The following GHRL variants were observed in gnomAD, a reference collection of about 807,000 sequenced individuals.
GHRL encodes ghrelin and obestatin prepropeptide.
A neutral mutation model predicts 16.9 loss-of-function variants in GHRL; 24 were observed. The ratio of observed to expected loss-of-function variants is 1.42; its 90% CI spans 1.03 to 2.00. GHRL has a LOEUF of 2.00. Among genes scored for constraint, GHRL ranks in the 30% most tolerant of loss-of-function variants. The probability of loss-of-function intolerance (pLI) is 0.00; values close to 1 mark genes in which losing one functional copy is unlikely to be tolerated. For missense variants in GHRL, 193 were observed against 142.1 expected, an observed-to-expected ratio of 1.36 and a Z score of -1.82; for synonymous variants, 63 against 58.2, an observed-to-expected ratio of 1.08 and a Z score of -0.37.
At chr3:10,291,993 T>C (rs1001245968) in intron 1 of GHRL, 7 of 152,136 alleles carry the variant, frequency 4.6e-5, no homozygotes, top group Non-Finnish European at 8.8e-5. Flanking sequence ...AACAAAAACA[T>C]AAGAAGGTGG....
At chr3:10,288,397 T>C (rs936086008) in intron 4 of GHRL, among the ~76,000 whole-genome samples, 2 of 152,122 alleles carry the variant, frequency 1.3e-5, no homozygotes, top group Admixed American at 6.5e-5. Flanking sequence ...CAAGGCAGTG[T>C]GGGTCACATG....
At chr3:10,291,729 G>A (rs2125222579) in intron 1 of GHRL, among the ~76,000 whole-genome samples, 1 of 152,292 alleles carries the variant, frequency 6.6e-6, no homozygotes, top group Admixed American at 6.5e-5. Flanking sequence ...GGGTGCCCAG[G>A]CAGGAACCCC....
rs1699958093 is a variant in GHRL at position 10,291,200 on chromosome 3, C to T, written c.-514G>A. The stretch of plus-strand genomic sequence containing the variant: ...TGAGCCCCGGGAGTCCGCAGGGAGC[C>T]AGGCTGGTGATTCTACACCTTCCCG... On this transcript the variant is annotated 5_prime_UTR_variant, in exon 2 of 6. Coordinates refer to ENST00000335542, the MANE Select transcript of GHRL (RefSeq NM_016362.5). 2 of 985,568 alleles carry T rather than the reference C, an allele frequency of 2.0e-6. No homozygotes were observed. Among genetic ancestry groups the T allele is most frequent in the African/African-American group, 3.5e-5 (2 of 57,256 alleles). 61.1% of individuals were successfully genotyped at this position (985,568 alleles called of 1,614,324 possible).
chr3:10,289,357 C>T (rs898236805), intron 4 of GHRL, among the ~76,000 whole-genome samples: 4 of 152,206 alleles, frequency 2.6e-5, no homozygotes, highest in Non-Finnish European at 5.9e-5. Context: ...GGAAGCACTC[C>T]ACCCCACAGT....
chr3:10,291,139 G>A lies in GHRL; in HGVS notation c.-453C>T, dbSNP rs558692838. ...TGAGACCTCCCCAGTCCAGCGCCCC[G>A]TTGTTTCCCATGTGCTGTTGCTGCT... On this transcript the variant is annotated 5_prime_UTR_variant, in exon 2 of 6. The change creates a new upstream start codon in the 5' untranslated region. Transcript: ENST00000335542. 87 of 985,768 alleles carry A rather than the reference G, an allele frequency of 8.8e-5. 1 individual carries two copies. The highest frequency in any genetic ancestry group is 5.7e-4 in the East Asian group (5 of 8,834). 61.1% of individuals were successfully genotyped at this position (985,768 alleles called of 1,614,324 possible). A position where few individuals can be genotyped will look rare whatever the true frequency, so the allele number is the denominator to read the frequency against.
chr3:10,290,377 T>C (rs1699812136), intron 2 of GHRL, 168 bp from the exon 3 acceptor site: 1 of 636,410 alleles, frequency 1.6e-6, no homozygotes, highest in East Asian at 2.9e-5. Flanking sequence ...ATGATGGATG[T>C]GTGTTCTCTT....
intron 5 of GHRL, among the ~76,000 whole-genome samples, chr3:10,286,105 G>A (rs934761909): frequency 2.0e-5 from 3 of 152,202 alleles, no homozygotes; most frequent in Admixed American, 6.5e-5. Flanking sequence ...TTTGCACAGC[G>A]GGGTGAATGC....
rs990523055 is a variant in GHRL, at chr3:10,290,083, T to C, written c.98A>G (p.Gln33Arg). Residue 33 changes from glutamine to arginine, a missense_variant, in exon 3 of 6, where the codon CAG (glutamine) becomes CGG (arginine). Gln to Arg is a conservative substitution (Grantham distance 43). Coordinates refer to ENST00000335542, the MANE Select transcript of GHRL (RefSeq NM_016362.5). ...GTGGGGAGGTCTCACCTGGACTCTC[T>C]GGTGTTCAGGGCTCAGGAAGCTGGA... ...AGSSFLSPEHQRVQQRKESKK... is the reference protein window; with the variant it reads ...AGSSFLSPEHRRVQQRKESKK... 3 of 1,612,102 alleles carry C rather than the reference T, an allele frequency of 1.9e-6. No homozygotes were observed. Among genetic ancestry groups the C allele is most frequent in the Admixed American group, 3.4e-5 (2 of 59,696 alleles).
intron 3 of GHRL, 29 bp from the exon 4 acceptor site, chr3:10,289,907 C>A: frequency 6.4e-7 from 1 of 1,555,174 alleles, no homozygotes; most frequent in South Asian, 1.1e-5. Context: ...CTGTTTAGGA[C>A]TCTAAGCCCC....
At position 10,287,779 on chromosome 3, in the gene GHRL, C is replaced by G. The variant is rs375332229; in HGVS notation, c.226-967G>C. ...GTGCCTCCCTGTGGGGTAGGCGCTA[C>G]CACTGTGCCCATTTTACAGGTGAGG... is the stretch of plus-strand genomic sequence containing the variant. On this transcript the variant is annotated intron_variant, in intron 4 of 5. Coordinates refer to ENST00000335542, the MANE Select transcript of GHRL (RefSeq NM_016362.5). 1.4e-4 allele frequency among the ~76,000 whole-genome samples: 21 copies of G among 152,294 alleles called. No homozygotes were observed. In the East Asian group the frequency reaches 1.9e-3, roughly 14 times the overall value.
rs34911341 is a variant in GHRL at position 10,289,835 on chromosome 3, C to T, written c.152G>A (p.Arg51Gln). Reference sequence around the variant, plus strand: ...CGGGCGGAGCCAGCCTGCTAGAGCTCGGGGCTGCAGCTTGGCTGGTGGCTT... The same window carrying T: ...CGGGCGGAGCCAGCCTGCTAGAGCTTGGGGCTGCAGCTTGGCTGGTGGCTT... ...SKKPPAKLQP[R>Q]ALAGWLRPED... is the part of the protein sequence containing the mutation. The change falls in exon 4 of 6, where the codon CGA (arginine) becomes CAA (glutamine). Residue 51 changes from arginine (R) to glutamine (Q), a missense_variant. Physicochemically the swap from Arg to Gln is conservative, Grantham distance 43 (BLOSUM62 1). Transcript: ENST00000335542. 6.8e-3 allele frequency: 10,984 copies of T among 1,613,766 alleles called. 77 individuals are homozygous for T. Among genetic ancestry groups the T allele is most frequent in the Non-Finnish European group, 7.4e-3 (8,675 of 1,179,908 alleles).
rs1243650799 is a variant in GHRL at position 10,291,137 on chromosome 3, C to T, written c.-451G>A. The stretch of plus-strand genomic sequence containing the variant: ...TCTGAGACCTCCCCAGTCCAGCGCC[C>T]CGTTGTTTCCCATGTGCTGTTGCTG... On this transcript the variant is annotated 5_prime_UTR_variant, in exon 2 of 6. Coordinates refer to ENST00000335542, the MANE Select transcript of GHRL (RefSeq NM_016362.5). 2 of 985,668 alleles carry T rather than the reference C, an allele frequency of 2.0e-6. No individual in the cohort carries two copies. Among genetic ancestry groups the T allele is most frequent in the Non-Finnish European group, 2.4e-6 (2 of 830,186 alleles). The allele number at this position is 985,668 out of a possible 1,614,324, so 61.1% of individuals were successfully genotyped here. A position where few individuals can be genotyped will look rare whatever the true frequency, so the allele number is the denominator to read the frequency against.
intron 1 of GHRL, among the ~76,000 whole-genome samples, chr3:10,291,685 G>C (rs959988149): frequency 6.6e-6 from 1 of 152,222 alleles, no homozygotes; most frequent in Non-Finnish European, 1.5e-5. Flanking sequence ...TCGGCCCCAG[G>C]AATTTCTTCC....
Position 10,290,148 on chromosome 3 carries a change from C to T in GHRL, c.33G>A (p.Leu11=), listed in dbSNP as rs1461688054. Residue 11 remains leucine (L), a synonymous_variant, in exon 3 of 6, where the codon CTG becomes CTA. Coordinates refer to ENST00000335542, the MANE Select transcript of GHRL (RefSeq NM_016362.5). ...AGTCCAGCCAGAGCATGCCGAGGAGCAGGAGGCTGCAGACGGTCCCTGGGG... is the reference window on the plus strand; with the variant it reads ...AGTCCAGCCAGAGCATGCCGAGGAGTAGGAGGCTGCAGACGGTCCCTGGGG... MPSPGTVCSL[L]LLGMLWLDLA... The T allele has an allele frequency of 1.2e-6, 2 of 1,612,904 alleles. No individual in the cohort carries two copies. The highest frequency in any genetic ancestry group is 1.7e-6 in the Non-Finnish European group (2 of 1,179,816).
intron 4 of GHRL, among the ~76,000 whole-genome samples, chr3:10,289,277 T>C (rs749168104): frequency 1.3e-5 from 2 of 152,144 alleles, no homozygotes; most frequent in South Asian, 4.1e-4. Context: ...GCCCCCTCCT[T>C]GCCTCCAGGC....
rs1377633707 is a variant in GHRL at position 10,289,840 on chromosome 3, C to A, written c.147G>T (p.Gln49His). 6.2e-7 allele frequency: 1 copy of A among 1,613,864 alleles called. No individual in the cohort carries two copies. Among genetic ancestry groups the A allele is most frequent in the East Asian group, 2.2e-5 (1 of 44,870 alleles). ...GGAGCCAGCCTGCTAGAGCTCGGGG[C>A]TGCAGCTTGGCTGGTGGCTTCTTCG... ...KESKKPPAKL[Q>H]PRALAGWLRP... The change falls in exon 4 of 6, where the codon CAG becomes CAT. Residue 49 changes from glutamine (Q) to histidine (H), a missense_variant. Physicochemically the swap from Gln to His is conservative, Grantham distance 24. Coordinates refer to ENST00000335542, the MANE Select transcript of GHRL (RefSeq NM_016362.5).
At chr3:10,289,114 A>G (rs1412815838) in intron 4 of GHRL, among the ~76,000 whole-genome samples, 2 of 152,200 alleles carry the variant, frequency 1.3e-5, no homozygotes, top group African/African-American at 2.4e-5. Flanking sequence ...CCAACCAAAT[A>G]TTTAGAAGAA....
intron 5 of GHRL, 54 bp downstream of exon 5, chr3:10,286,650 C>T: frequency 3.3e-6 from 3 of 910,400 alleles, no homozygotes; most frequent in South Asian, 1.3e-5. Flanking sequence ...ACAGAGTGAA[C>T]TCCCATGTGG....
At position 10,289,786 on chromosome 3, in the gene GHRL, C is replaced by T; in HGVS notation, c.201G>A (p.Gly67=). The T allele has an allele frequency of 6.2e-7, 1 of 1,610,328 alleles. No homozygotes were observed. The highest frequency in any genetic ancestry group is 1.1e-5 in the South Asian group (1 of 90,980). ...CCCGGACTTCCAGTTCATCCTCTGC[C>T]CCTTCTGCTTGACCTCCATCTTCCG... ...LRPEDGGQAE[G]AEDELEVRFN... is the part of the protein sequence containing the mutation. The change falls in exon 4 of 6, where the codon GGG becomes GGA. Residue 67 remains glycine, a synonymous_variant. Coordinates refer to ENST00000335542, the MANE Select transcript of GHRL (RefSeq NM_016362.5).
Sources: allele counts gnomAD v4.1 joint callset (sites outside exome capture counted in the v4.1 genomes callset), GRCh38; gene constraint gnomAD v4.1.1; transcripts MANE v1.5; gene names NCBI Gene and HGNC (gene_info 2026-07-23, HGNC 2026-07-21).